HSD17B3: variants seen among roughly 807,000 people sequenced by gnomAD.
The protein encoded by HSD17B3 is hydroxysteroid 17-beta dehydrogenase 3.
HSD17B3 carries 29 observed loss-of-function variants against 41.1 expected under a neutral mutation model. The ratio of observed to expected loss-of-function variants is 0.71; its 90% CI spans 0.53 to 0.96. The LOEUF (loss-of-function observed/expected upper bound fraction) is 0.96. HSD17B3 is among the 40% of genes least tolerant of loss of function. HSD17B3 has a pLI of 0.00. For missense variants in HSD17B3, 323 were observed against 374.6 expected, an observed-to-expected ratio of 0.86 and a Z score of 1.14; for synonymous variants, 126 against 145.6, an observed-to-expected ratio of 0.87 and a Z score of 0.97.
At position 96,269,846 on chromosome 9, in the gene HSD17B3, G is replaced by A. The variant is rs544607923; in HGVS notation, c.202-14903C>T. ...CTGAACCCAGGAGGCAAAAGTTGCC[G>A]TGAGCCAAGATCGTGCCACTGCACT... is the stretch of plus-strand genomic sequence containing the variant. On this transcript the variant is annotated intron_variant, in intron 2 of 10. Transcript: ENST00000375263. Among the ~76,000 whole-genome samples, 20 of 150,480 alleles carry A rather than the reference G, an allele frequency of 1.3e-4. No homozygotes were observed. The South Asian group carries it at 1.5e-3, about 11-fold the overall frequency.
rs115869779 is a variant in HSD17B3, at chr9:96,272,949, A to G, written c.202-18006T>C. Among the ~76,000 whole-genome samples, 825 of 152,288 alleles carry G rather than the reference A, an allele frequency of 5.4e-3. 12 individuals are homozygous for G. Among genetic ancestry groups the G allele is most frequent in the African/African-American group, 0.019 (776 of 41,558 alleles). ...CAGAAAATTATGCTAGGTGGGGGAA[A>G]AAGGCAATCCAAAAAGTTTTACATA... On this transcript the variant is annotated intron_variant, in intron 2 of 10. Coordinates refer to ENST00000375263, the MANE Select transcript of HSD17B3 (RefSeq NM_000197.2).
chr9:96,262,020 T>C (rs1160054001), intron 2 of HSD17B3, among the ~76,000 whole-genome samples: 1 of 152,160 alleles, frequency 6.6e-6, no homozygotes, highest in East Asian at 1.9e-4. Flanking sequence ...GGACTTTGTT[T>C]CTCCTAGGAA....
rs1825413488 is a variant in HSD17B3, at chr9:96,251,551, T to C, written c.386-66A>G. The C allele has an allele frequency of 4.9e-6, 7 of 1,414,208 alleles. No homozygotes were observed. The Admixed American group carries it at 1.2e-4, about 24-fold the overall frequency. The allele number at this position is 1,414,208 out of a possible 1,614,324, so 87.6% of individuals were successfully genotyped here. A position where few individuals can be genotyped will look rare whatever the true frequency, so the allele number is the denominator to read the frequency against. On this transcript the variant is annotated intron_variant, in intron 4 of 10. Transcript: ENST00000375263. ...GGTGGGAGATTTTCCCAAAGAACCA[T>C]GTACAAAAAGATTGACATGTAAGGT...
At chr9:96,270,245 CAT>C (rs1826190808) in intron 2 of HSD17B3, among the ~76,000 whole-genome samples, 2 of 119,528 alleles carry the variant, frequency 1.7e-5, no homozygotes, top group Admixed American at 1.8e-4. Flanking sequence ...CCCCCAAACA[CAT>C]ACACACACAC....
chr9:96,274,520 T>G (rs10733725), intron 2 of HSD17B3, among the ~76,000 whole-genome samples: 77,352 of 151,840 alleles, frequency 0.51, 19,998 homozygotes, highest in East Asian at 0.68. Flanking sequence ...GGGAAATACA[T>G]GAATAAAATG....
intron 2 of HSD17B3, among the ~76,000 whole-genome samples, chr9:96,274,098 C>A (rs1330732112): frequency 6.6e-6 from 1 of 152,142 alleles, no homozygotes; most frequent in Non-Finnish European, 1.5e-5. Context: ...AACTGTCTAA[C>A]AAAGAAGTCA....
At chr9:96,260,462 G>C (rs2130742967) in intron 2 of HSD17B3, among the ~76,000 whole-genome samples, 1 of 152,182 alleles carries the variant, frequency 6.6e-6, no homozygotes, top group South Asian at 2.1e-4. Flanking sequence ...AATTATTCTT[G>C]GGTTTGGGCC....
chr9:96,273,599 C>T (rs948818120), intron 2 of HSD17B3, among the ~76,000 whole-genome samples: 2 of 152,178 alleles, frequency 1.3e-5, no homozygotes, highest in Non-Finnish European at 2.9e-5. Context: ...CACACCACTG[C>T]ACCTACTCTG....
At chr9:96,241,037 G>A in intron 9 of HSD17B3, 130 bp from the exon 10 acceptor site, 4 of 1,145,356 alleles carry the variant, frequency 3.5e-6, no homozygotes, top group Non-Finnish European at 5.1e-6. Context: ...TTAAGATCTT[G>A]AGTGGAAAAA....
chr9:96,284,312 ACTTTT>A (rs1413651326), intron 2 of HSD17B3, among the ~76,000 whole-genome samples: 16 of 151,748 alleles, frequency 1.1e-4, no homozygotes, highest in African/African-American at 3.4e-4. Flanking sequence ...AGTCAAGAAA[ACTTTT>A]CTTTTGAGCT....
At chr9:96,246,903 A>G (rs1336469635) in intron 6 of HSD17B3, among the ~76,000 whole-genome samples, 1 of 152,192 alleles carries the variant, frequency 6.6e-6, no homozygotes, top group African/African-American at 2.4e-5. Context: ...TGTGGGACCA[A>G]CACTGAGGTT....
intron 2 of HSD17B3, among the ~76,000 whole-genome samples, chr9:96,271,090 C>T (rs1401138036): frequency 2.0e-5 from 3 of 151,756 alleles, no homozygotes. Flanking sequence ...CAAATGTATG[C>T]TCAAAGAGGC....
At chr9:96,247,193 TAAAAGAACTTTTTGTTTC>T (rs1490983021) in intron 6 of HSD17B3, 1 of 155,362 alleles carries the variant, frequency 6.4e-6, no homozygotes, top group Non-Finnish European at 1.4e-5. Flanking sequence ...TTCAGGAGCC[TAAAAGAACTTTTTGTTTC>T]AAAATTACAA....
chr9:96,257,563 T>C (rs1695216989), intron 2 of HSD17B3, among the ~76,000 whole-genome samples: 1 of 152,196 alleles, frequency 6.6e-6, no homozygotes, highest in South Asian at 2.1e-4. Context: ...GCAATATTCT[T>C]TTTAACTTAA....
chr9:96,286,713 C>T (rs2987356), intron 2 of HSD17B3, among the ~76,000 whole-genome samples: 7 of 150,392 alleles, frequency 4.7e-5, no homozygotes, highest in Non-Finnish European at 1.0e-4. Context: ...AAAAAAAAAA[C>T]CAAGATGGCA....
In HSD17B3 at chr9:96,240,887, G is replaced by C; in HGVS notation, c.693C>G (p.Val231=). 1 of 1,614,180 alleles carries C rather than the reference G, an allele frequency of 6.2e-7. No homozygotes were observed. The highest frequency in any genetic ancestry group is 1.1e-5 in the South Asian group (1 of 91,086). The part of the protein sequence containing the change: ...VIIQVLTPYA[V]STAMTKYLNT... Reference sequence around the variant, plus strand: ...TTAGATACTTTGTCATTGCAGTCGAGACAGCATATGGGGTCAGCACCTACA... The same window carrying C: ...TTAGATACTTTGTCATTGCAGTCGACACAGCATATGGGGTCAGCACCTACA... The change falls in exon 10 of 11, where the codon GTC becomes GTG. Residue 231 remains valine (V), a synonymous_variant. Coordinates refer to ENST00000375263, the MANE Select transcript of HSD17B3 (RefSeq NM_000197.2).
intron 2 of HSD17B3, among the ~76,000 whole-genome samples, chr9:96,287,517 T>C (rs913792734): frequency 4.6e-5 from 7 of 152,080 alleles, no homozygotes; most frequent in Non-Finnish European, 8.8e-5. Flanking sequence ...AAGACCATCC[T>C]GGCTAACACA....
intron 2 of HSD17B3, among the ~76,000 whole-genome samples, chr9:96,278,314 C>A (rs530406129): frequency 6.6e-6 from 1 of 152,064 alleles, no homozygotes; most frequent in Non-Finnish European, 1.5e-5. Context: ...ATAATAGATA[C>A]GTTCGTTAAC....
chr9:96,257,210 C>G (rs576581661), intron 2 of HSD17B3, among the ~76,000 whole-genome samples: 28 of 152,260 alleles, frequency 1.8e-4, no homozygotes, highest in African/African-American at 6.7e-4. Context: ...TATTGCAGTG[C>G]AAGAACGAAA....
Sources: gnomAD v4.1 joint callset for allele counts (sites outside exome capture counted in the v4.1 genomes callset) on GRCh38, gnomAD v4.1.1 for gene constraint, MANE v1.5 for transcripts, NCBI Gene and HGNC (gene_info 2026-07-23, HGNC 2026-07-21) for gene names.